Variants in RRAS2 observed in about 807,000 individuals in gnomAD.
The protein encoded by RRAS2 is RAS related 2.
A neutral mutation model predicts 27.6 loss-of-function variants in RRAS2; 7 were observed. That is an observed-to-expected ratio of 0.25 (90% confidence interval 0.14 to 0.48). RRAS2 has a LOEUF of 0.48. Among genes scored for constraint, RRAS2 ranks in the 20% least tolerant of loss-of-function variants. RRAS2 has a pLI of 0.99. For missense variants in RRAS2, 178 were observed against 256.2 expected, an observed-to-expected ratio of 0.69 and a Z score of 2.08; for synonymous variants, 86 against 90.9, an observed-to-expected ratio of 0.95 and a Z score of 0.31.
upstream of RRAS2, among the ~76,000 whole-genome samples, chr11:14,362,342 C>T (rs1849200792): frequency 6.6e-6 from 1 of 152,008 alleles, no homozygotes. Context: ...AACTCTATTC[C>T]TTTATTTTTT....
intron 1 of RRAS2, 130 bp from the exon 2 acceptor site, chr11:14,295,985 C>A (rs1159993597): frequency 5.9e-6 from 4 of 681,994 alleles, no homozygotes; most frequent in Non-Finnish European, 9.6e-6. Flanking sequence ...CCAGCCTGGG[C>A]AACACAGCAA....
chr11:14,319,574 G>A (rs1848183313), intron 1 of RRAS2, among the ~76,000 whole-genome samples: 1 of 151,730 alleles, frequency 6.6e-6, no homozygotes, highest in Non-Finnish European at 1.5e-5. Context: ...TAGCCAGGAT[G>A]GTCTCGATCT....
At chr11:14,346,566 T>A (rs1229877238) in intron 1 of RRAS2, among the ~76,000 whole-genome samples, 1 of 152,242 alleles carries the variant, frequency 6.6e-6, no homozygotes, top group Non-Finnish European at 1.5e-5. Context: ...CAAATCATCA[T>A]TTATCATGCA....
At chr11:14,343,405 T>C (rs2915400) in intron 1 of RRAS2, among the ~76,000 whole-genome samples, 106,584 of 152,158 alleles carry the variant, frequency 0.7, 38,195 homozygotes, top group Admixed American at 0.79. Context: ...ATTACTAATA[T>C]GCAACCTCAC....
At chr11:14,353,594 CAAAA>C (rs79109765) in intron 1 of RRAS2, among the ~76,000 whole-genome samples, 84 of 121,682 alleles carry the variant, frequency 6.9e-4, no homozygotes, top group Non-Finnish European at 1.0e-3. Flanking sequence ...AACTTCGTCT[CAAAA>C]AAAAAAAAAA....
At chr11:14,360,747 C>T (rs1316150417), upstream of RRAS2, among the ~76,000 whole-genome samples, 3 of 151,804 alleles carry the variant, frequency 2.0e-5, no homozygotes, top group East Asian at 1.9e-4. Flanking sequence ...CATGGCTAAA[C>T]GCATCTCTAC....
rs2303972 is a variant in RRAS2, at chr11:14,281,736, T to A, written c.409-16A>T. 676,117 of 1,562,852 alleles carry A rather than the reference T, an allele frequency of 0.43. 150,804 individuals are homozygous for A. The highest frequency in any genetic ancestry group is 0.57 in the Admixed American group (31,686 of 55,192). ...CCTGTGTTACCTGAAATTCCAACAG[T>A]TATGTTTATGGTACATTATTAACAA... On this transcript the variant is annotated splice_polypyrimidine_tract_variant and intron_variant, in intron 4 of 5. Coordinates refer to ENST00000256196, the MANE Select transcript of RRAS2 (RefSeq NM_012250.6).
At chr11:14,293,338 A>G (rs180961963) in intron 4 of RRAS2, among the ~76,000 whole-genome samples, 4 of 151,730 alleles carry the variant, frequency 2.6e-5, no homozygotes, top group Admixed American at 2.0e-4. Context: ...TAAACACAAC[A>G]TAATATAAAA....
At chr11:14,346,076 T>C (rs1332952413) in intron 1 of RRAS2, among the ~76,000 whole-genome samples, 1 of 152,212 alleles carries the variant, frequency 6.6e-6, no homozygotes, top group Non-Finnish European at 1.5e-5. Flanking sequence ...ATTACCGTTG[T>C]TTAATATCAG....
At chr11:14,311,646 C>T (rs1201036877) in intron 1 of RRAS2, among the ~76,000 whole-genome samples, 2 of 151,942 alleles carry the variant, frequency 1.3e-5, no homozygotes, top group African/African-American at 4.8e-5. Context: ...GGATTACAGG[C>T]ACGAGCCACT....
chr11:14,281,533 A>T, intron 5 of RRAS2, 69 bp downstream of exon 5: 1 of 1,281,506 alleles, frequency 7.8e-7, no homozygotes, highest in South Asian at 1.5e-5. Context: ...ACTTCCATAT[A>T]AAATATCCTT....
At chr11:14,364,400 T>A (rs1849227518) in exon 1 of RRAS2, 1 of 1,535,888 alleles carries the variant, frequency 6.5e-7, no homozygotes, top group South Asian at 1.2e-5. Context: ...CCATGGGTGA[T>A]GGAGGAGCAT....
intron 1 of RRAS2, among the ~76,000 whole-genome samples, chr11:14,306,922 G>C (rs1224105732): frequency 1.3e-5 from 2 of 151,758 alleles, no homozygotes; most frequent in Non-Finnish European, 2.9e-5. Flanking sequence ...CGGGCGCAGT[G>C]GCTCACGCTT....
intron 1 of RRAS2, among the ~76,000 whole-genome samples, chr11:14,327,060 C>CAAAAAA (rs201334157): frequency 2.5e-5 from 1 of 39,802 alleles, no homozygotes; most frequent in African/African-American, 6.9e-5. Context: ...GACTCTGTCT[C>CAAAAAA]AAAAAAAAAA....
chr11:14,346,681 T>A (rs1272204305), intron 1 of RRAS2, among the ~76,000 whole-genome samples: 1 of 152,204 alleles, frequency 6.6e-6, no homozygotes, highest in African/African-American at 2.4e-5. Flanking sequence ...GTAACTATAG[T>A]TAATAACAAT....
chr11:14,361,492 C>T (rs182164838), upstream of RRAS2, among the ~76,000 whole-genome samples: 12 of 152,006 alleles, frequency 7.9e-5, no homozygotes, highest in East Asian at 2.3e-3. Context: ...TCGGGGCCAC[C>T]GCACTCCAGC....
At chr11:14,339,293 A>AGGGGG (rs549908438) in intron 1 of RRAS2, among the ~76,000 whole-genome samples, 9 of 63,928 alleles carry the variant, frequency 1.4e-4, no homozygotes, top group African/African-American at 5.5e-4. Flanking sequence ...AAAAAAAAAA[A>AGGGGG]GGGGGGGGGG....
chr11:14,308,347 A>G, intron 1 of RRAS2: 2 of 425,916 alleles, frequency 4.7e-6, no homozygotes, highest in Non-Finnish European at 9.2e-6. Flanking sequence ...ACTCTTTAGT[A>G]ATAAAAGCTA....
chr11:14,283,607 TC>T (rs1288630046), intron 4 of RRAS2, among the ~76,000 whole-genome samples: 12 of 152,278 alleles, frequency 7.9e-5, no homozygotes, highest in Admixed American at 2.6e-4. Flanking sequence ...ACTGATATTA[TC>T]TTTTTTTTTC....
Sources: allele counts gnomAD v4.1 joint callset (sites outside exome capture counted in the v4.1 genomes callset), GRCh38; gene constraint gnomAD v4.1.1; transcripts MANE v1.5; gene names NCBI Gene and HGNC (gene_info 2026-07-23, HGNC 2026-07-21).